The following VCL variants were observed in gnomAD, a reference collection of about 807,000 sequenced individuals.
VCL encodes vinculin.
In VCL, 47 loss-of-function variants were observed where a neutral mutation model predicts 125.7. The ratio of observed to expected loss-of-function variants is 0.37; its 90% confidence interval spans 0.30 to 0.48. The LOEUF (loss-of-function observed/expected upper bound fraction) is 0.48, where lower values mean the gene tolerates loss of function less well. Among genes scored for constraint, VCL ranks in the 20% least tolerant of loss-of-function variants. The probability of loss-of-function intolerance (pLI) is 0.99; values close to 1 mark genes in which losing one functional copy is unlikely to be tolerated. For missense variants in VCL, 1,069 were observed against 1,455.5 expected, an observed-to-expected ratio of 0.73 and a Z score of 4.32; for synonymous variants, 458 against 514.6, an observed-to-expected ratio of 0.89 and a Z score of 1.49.
At chr10:74,120,632 C>T (rs1366318316), downstream of VCL, 6 of 152,534 alleles carry the variant, frequency 3.9e-5, no homozygotes, top group African/African-American at 1.4e-4. Flanking sequence ...ATTCTCCTGC[C>T]TCAGCCTCCC....
intron 21 of VCL, among the ~76,000 whole-genome samples, chr10:74,117,431 G>A (rs1019406948): frequency 1.3e-5 from 2 of 152,344 alleles, no homozygotes; most frequent in Non-Finnish European, 2.9e-5. Flanking sequence ...GAGGTGGGCA[G>A]ATCACTTGAG....
intron 1 of VCL, among the ~76,000 whole-genome samples, chr10:74,029,621 A>G (rs1223711950): frequency 6.6e-6 from 1 of 152,228 alleles, no homozygotes; most frequent in Non-Finnish European, 1.5e-5. Flanking sequence ...ATGTGGCATC[A>G]GATAAGCTTG....
Position 74,119,981 on chromosome 10 carries a change from T to TATC in VCL, c.*1814_*1816dup, listed in dbSNP as rs35726593. The TATC allele has an allele frequency of 0.02, 2,857 of 141,456 alleles. 42 individuals are homozygous for TATC. The highest frequency in any genetic ancestry group is 0.031 in the Middle Eastern group (8 of 262). 8.8% of individuals were successfully genotyped at this position (141,456 alleles called of 1,614,324 possible). A position where few individuals can be genotyped will look rare whatever the true frequency, so the allele number is the denominator to read the frequency against. ...TTATGCCGGATGTGCTTTTCTCCAA[T>TATC]ATCAGTGCTCGAGACACAGTGAAGC... On this transcript the variant is annotated 3_prime_UTR_variant, in exon 22 of 22. Coordinates refer to ENST00000211998, the MANE Select transcript of VCL (RefSeq NM_014000.3).
chr10:74,070,899 G>C (rs543606622), intron 3 of VCL, 76 bp from the exon 4 acceptor site: 210 of 1,611,344 alleles, frequency 1.3e-4, no homozygotes, highest in Non-Finnish European at 1.7e-4. Context: ...AAAATATGTT[G>C]AATGCTGCAC....
At chr10:74,087,407 G>A (rs1317478614) in intron 8 of VCL, among the ~76,000 whole-genome samples, 3 of 143,860 alleles carry the variant, frequency 2.1e-5, no homozygotes, top group South Asian at 4.3e-4. Flanking sequence ...GTGCAGTGGC[G>A]TGATCTCGGC....
chr10:74,041,899 T>C (rs1341874820), intron 1 of VCL, among the ~76,000 whole-genome samples: 1 of 152,220 alleles, frequency 6.6e-6, no homozygotes, highest in African/African-American at 2.4e-5. Flanking sequence ...TGAGACTCTA[T>C]TTCAAAAACA....
rs1028575121 is a variant in VCL at position 74,102,027 on chromosome 10, G to A, written c.2022+930G>A. ...ATTACAGGCACCCGCCACCATGCCC[G>A]GCTAATTTTTCTATTTTTTAGTAGA... On this transcript the variant is annotated intron_variant, in intron 14 of 21. Transcript: ENST00000211998. 3.8e-4 allele frequency among the ~76,000 whole-genome samples: 29 copies of A among 76,640 alleles called. 1 individual carries two copies. Among genetic ancestry groups the A allele is most frequent in the Middle Eastern group, 0.018 (2 of 112 alleles). The allele number at this position is 76,640 out of a possible 152,430, so 50.3% of individuals were successfully genotyped here.
rs185397443 is a variant in VCL at position 74,039,139 on chromosome 10, T to C, written c.169-3944T>C. Among the ~76,000 whole-genome samples the C allele has an allele frequency of 7.9e-5, 12 of 152,230 alleles. 1 individual carries two copies. The highest frequency in any genetic ancestry group is 5.9e-4 in the Admixed American group (9 of 15,288). On this transcript the variant is annotated intron_variant, in intron 1 of 21. Transcript: ENST00000211998. ...GTTGGCCAGGCTGGTCGCGAACTCC[T>C]GACCTCAGGTGATCTGCTCTCCTCG...
intron 1 of VCL, among the ~76,000 whole-genome samples, chr10:74,010,644 C>G (rs373270667): frequency 6.6e-6 from 1 of 151,352 alleles, no homozygotes. Context: ...TCCTTTTCAC[C>G]GTTTAAAAAA....
At chr10:74,081,273 T>C (rs1839670109) in intron 6 of VCL, among the ~76,000 whole-genome samples, 1 of 152,136 alleles carries the variant, frequency 6.6e-6, no homozygotes, top group Non-Finnish European at 1.5e-5. Context: ...GAGAGATCTG[T>C]CTTTTGAATA....
intron 1 of VCL, among the ~76,000 whole-genome samples, chr10:74,037,218 T>C (rs891813657): frequency 2.0e-5 from 3 of 152,236 alleles, no homozygotes; most frequent in African/African-American, 7.2e-5. Flanking sequence ...CCACCACGGC[T>C]GACTGTTCTA....
At position 74,118,173 on chromosome 10, in the gene VCL, C is replaced by T; in HGVS notation, c.*4C>T. On this transcript the variant is annotated 3_prime_UTR_variant, in exon 22 of 22. Transcript: ENST00000211998. ...AAAGACTCCCTGGTACCAGTAGGCACCTGGCTGAGCCTGGCTGGCACAGAA... is the reference window on the plus strand; with the variant it reads ...AAAGACTCCCTGGTACCAGTAGGCATCTGGCTGAGCCTGGCTGGCACAGAA... 6.2e-7 allele frequency: 1 copy of T among 1,614,004 alleles called. No homozygotes were observed. The highest frequency in any genetic ancestry group is 8.5e-7 in the Non-Finnish European group (1 of 1,179,978).
rs1840343142 is a variant in VCL, at chr10:74,118,337, T to C, written c.*168T>C. 6.3e-6 allele frequency: 5 copies of C among 790,108 alleles called. No individual in the cohort carries two copies. In the East Asian group the frequency reaches 8.0e-5, roughly 13 times the overall value. The allele number at this position is 790,108 out of a possible 1,614,324, so 48.9% of individuals were successfully genotyped here. A position where few individuals can be genotyped will look rare whatever the true frequency, so the allele number is the denominator to read the frequency against. On this transcript the variant is annotated 3_prime_UTR_variant, in exon 22 of 22. Coordinates refer to ENST00000211998, the MANE Select transcript of VCL (RefSeq NM_014000.3). Reference sequence around the variant, plus strand: ...AAATTAGAAGACATTTATACTCTTTTTTCATGGACACTTTGAAATGTGTTT... The same window carrying C: ...AAATTAGAAGACATTTATACTCTTTCTTCATGGACACTTTGAAATGTGTTT...
chr10:74,073,669 G>A (rs907904425), intron 5 of VCL, among the ~76,000 whole-genome samples: 1 of 152,058 alleles, frequency 6.6e-6, no homozygotes, highest in African/African-American at 2.4e-5. Flanking sequence ...TCACCAGCTG[G>A]GACTACCTTC....
intron 2 of VCL, among the ~76,000 whole-genome samples, chr10:74,044,257 T>C (rs1373208018): frequency 6.6e-6 from 1 of 152,202 alleles, no homozygotes; most frequent in Non-Finnish European, 1.5e-5. Flanking sequence ...TTTGAATACT[T>C]AAAACTTCTT....
At chr10:74,083,589 T>C (rs1342488074) in intron 8 of VCL, 76 bp downstream of exon 8, 2 of 1,569,012 alleles carry the variant, frequency 1.3e-6, no homozygotes, top group Non-Finnish European at 1.7e-6. Flanking sequence ...AACAAGCCTC[T>C]GCCAGTTTTG....
chr10:74,050,932 A>ATTTTTTTTTTTTTTTTTTTTTTTTTTT (rs10607921), intron 2 of VCL, among the ~76,000 whole-genome samples: 1 of 77,440 alleles, frequency 1.3e-5, no homozygotes. Flanking sequence ...GTACTACTGT[A>ATTTTTTTTTTTTTTTTTTTTTTTTTTT]TTTTTTTTTT....
At chr10:74,043,345 A>G (rs1841131815) in intron 2 of VCL, among the ~76,000 whole-genome samples, 192 bp downstream of exon 2, 1 of 141,406 alleles carries the variant, frequency 7.1e-6, no homozygotes, top group Admixed American at 7.6e-5. Flanking sequence ...CATTTTTGAC[A>G]TAATAATTTT....
chr10:74,090,021 A>G lies in VCL; in HGVS notation c.1177-2A>G. The G allele has an allele frequency of 6.2e-7, 1 of 1,614,214 alleles. No individual in the cohort carries two copies. Among genetic ancestry groups the G allele is most frequent in the Non-Finnish European group, 8.5e-7 (1 of 1,180,034 alleles). The stretch of plus-strand genomic sequence containing the variant: ...GTGCTGCTTCTCCGTTTCTATGTGT[A>G]GAACTGGCTTGCAGATCCAAATGGT... On this transcript the variant is annotated splice_acceptor_variant, in intron 9 of 21. Transcript: ENST00000211998. LOFTEE classifies it high-confidence loss of function.
Sources: gnomAD v4.1 joint callset for allele counts (sites outside exome capture counted in the v4.1 genomes callset) on GRCh38, gnomAD v4.1.1 for gene constraint, MANE v1.5 for transcripts, NCBI Gene and HGNC (gene_info 2026-07-23, HGNC 2026-07-21) for gene names.